SLC45A4: variants seen among roughly 807,000 people sequenced by gnomAD.
SLC45A4 encodes the protein solute carrier family 45 member 4.
In SLC45A4, 32 loss-of-function variants were observed where a neutral mutation model predicts 63.7. That is an observed-to-expected ratio of 0.50 (90% CI 0.38 to 0.67). The LOEUF (loss-of-function observed/expected upper bound fraction) is 0.67, where lower values mean the gene tolerates loss of function less well. Ranked by LOEUF, SLC45A4 falls within the 30% of genes least tolerant of loss-of-function variation. The pLI is 0.00. For missense variants in SLC45A4, 1,027 were observed against 1,157.7 expected (o/e 0.89, Z 1.64); for synonymous variants, 535 against 510.0 (o/e 1.05, Z -0.66).
chr8:141,305,149 G>A (rs1323974824), intron 1 of SLC45A4, among the ~76,000 whole-genome samples: 1 of 152,186 alleles, frequency 6.6e-6, no homozygotes, highest in African/African-American at 2.4e-5. Flanking sequence ...GCCACTAGAA[G>A]CACATTTTGA....
intron 1 of SLC45A4, among the ~76,000 whole-genome samples, chr8:141,271,635 T>C (rs577723247): frequency 1.3e-5 from 2 of 152,234 alleles, no homozygotes; most frequent in Admixed American, 1.3e-4. Flanking sequence ...GAAGCTCAGC[T>C]CTTCTCCACC....
chr8:141,294,271 T>C (rs1830461380), intron 1 of SLC45A4, among the ~76,000 whole-genome samples: 1 of 152,158 alleles, frequency 6.6e-6, no homozygotes, highest in South Asian at 2.1e-4. Flanking sequence ...TCAGGGTGGC[T>C]GGACAGAAGC....
intron 2 of SLC45A4, among the ~76,000 whole-genome samples, chr8:141,241,170 A>G (rs1430789085): frequency 6.6e-6 from 1 of 152,276 alleles, no homozygotes; most frequent in Non-Finnish European, 1.5e-5. Context: ...AATGTAGTGC[A>G]TAACACACAC....
At chr8:141,270,318 G>C (rs1829465542) in intron 1 of SLC45A4, among the ~76,000 whole-genome samples, 1 of 151,266 alleles carries the variant, frequency 6.6e-6, no homozygotes, top group Non-Finnish European at 1.5e-5. Context: ...CTTGGGGCCA[G>C]GAGTTCAAGA....
At chr8:141,276,099 A>C (rs1829718661) in intron 1 of SLC45A4, among the ~76,000 whole-genome samples, 1 of 152,000 alleles carries the variant, frequency 6.6e-6, no homozygotes, top group South Asian at 2.1e-4. Context: ...ATGGGATCTC[A>C]CTATGCTGCA....
chr8:141,295,539 G>C (rs1019962), intron 1 of SLC45A4, among the ~76,000 whole-genome samples: 145,457 of 152,292 alleles, frequency 0.96, 69,844 homozygotes, highest in Middle Eastern at 1. Flanking sequence ...CTTCTGCAAT[G>C]ACGTGAAGGC....
intron 1 of SLC45A4, among the ~76,000 whole-genome samples, chr8:141,267,171 TC>T (rs1190350362): frequency 6.6e-6 from 1 of 152,268 alleles, no homozygotes; most frequent in Non-Finnish European, 1.5e-5. Flanking sequence ...CCGTGACACT[TC>T]CACTGCCTTC....
At chr8:141,230,623 C>T (rs1414275090) in intron 2 of SLC45A4, among the ~76,000 whole-genome samples, 2 of 152,232 alleles carry the variant, frequency 1.3e-5, no homozygotes, top group Non-Finnish European at 2.9e-5. Context: ...GCTGCCTCTG[C>T]CGCCCGGCCT....
intron 2 of SLC45A4, among the ~76,000 whole-genome samples, chr8:141,247,717 CA>C (rs958639497): frequency 5.9e-5 from 9 of 152,314 alleles, no homozygotes; most frequent in African/African-American, 1.7e-4. Context: ...TGGCCCAAAA[CA>C]AGTTCCAAAA....
chr8:141,290,207 T>A (rs985408640), intron 1 of SLC45A4, among the ~76,000 whole-genome samples: 4 of 152,148 alleles, frequency 2.6e-5, no homozygotes, highest in East Asian at 3.9e-4. Context: ...GGAATCTATT[T>A]TTTTTAAGTG....
In SLC45A4 at chr8:141,227,254, G is replaced by A. The variant is rs1827063160; in HGVS notation, c.242-5489C>T. ...AGGTCACGGGCGACGCTCGGGTCAC[G>A]TGTGGCGGCTCCTGTTCACAGTGCC... On this transcript the variant is annotated intron_variant, in intron 2 of 8. Transcript: ENST00000517878. The surrounding 1 kb of genome is among the most constrained non-coding windows in gnomAD (Gnocchi z 4.4). Among the ~76,000 whole-genome samples, 1 of 152,160 alleles carries A rather than the reference G, an allele frequency of 6.6e-6. No homozygotes were observed. The highest frequency in any genetic ancestry group is 1.5e-5 in the Non-Finnish European group (1 of 68,024).
At chr8:141,267,115 T>C (rs1365970949) in intron 1 of SLC45A4, among the ~76,000 whole-genome samples, 1 of 152,252 alleles carries the variant, frequency 6.6e-6, no homozygotes, top group African/African-American at 2.4e-5. Flanking sequence ...GCCAAATCTG[T>C]GTGCGCATAT....
chr8:141,214,837 C>T (rs935808724), intron 7 of SLC45A4, among the ~76,000 whole-genome samples: 2 of 152,156 alleles, frequency 1.3e-5, no homozygotes, highest in African/African-American at 4.8e-5. Context: ...TGGGTCATGA[C>T]CTAGGCAGAC....
At position 141,218,087 on chromosome 8, in the gene SLC45A4, G is replaced by A; in HGVS notation, c.1553C>T (p.Thr518Ile). Reference sequence around the variant, plus strand: ...GGCCTCGGCGATGACAGAGAACCAGGTGAGGAGGTGGCAGAGGCACAGCCG... The same window carrying A: ...GGCCTCGGCGATGACAGAGAACCAGATGAGGAGGTGGCAGAGGCACAGCCG... The part of the protein sequence containing the change: ...LMRLCLCHLL[T>I]WFSVIAEAVF... Residue 518 changes from threonine to isoleucine, a missense_variant, in exon 5 of 9, where the codon ACC becomes ATC. Thr to Ile is a moderately conservative substitution (Grantham distance 89). Transcript: ENST00000517878. 6.2e-7 allele frequency: 1 copy of A among 1,612,912 alleles called. No individual in the cohort carries two copies. Among genetic ancestry groups the A allele is most frequent in the South Asian group, 1.1e-5 (1 of 91,088 alleles).
intron 1 of SLC45A4, among the ~76,000 whole-genome samples, chr8:141,276,807 T>C (rs1339666720): frequency 1.3e-5 from 2 of 152,228 alleles, no homozygotes; most frequent in African/African-American, 4.8e-5. Flanking sequence ...ACTTCTTGTC[T>C]GGGTAGTTTA....
At chr8:141,273,856 G>A (rs1829629061) in intron 1 of SLC45A4, among the ~76,000 whole-genome samples, 1 of 152,190 alleles carries the variant, frequency 6.6e-6, no homozygotes, top group African/African-American at 2.4e-5. Flanking sequence ...TGTGCACTCA[G>A]GACACACGAT....
intron 1 of SLC45A4, among the ~76,000 whole-genome samples, chr8:141,285,767 C>T (rs993868368): frequency 6.6e-6 from 1 of 152,234 alleles, no homozygotes; most frequent in Non-Finnish European, 1.5e-5. Flanking sequence ...CCCGTGCCCC[C>T]TTCTGACCGG....
intron 2 of SLC45A4, among the ~76,000 whole-genome samples, chr8:141,253,635 G>A (rs1030232262): frequency 2.6e-5 from 4 of 152,328 alleles, no homozygotes; most frequent in Non-Finnish European, 5.9e-5. Context: ...GTCAGTGCTG[G>A]CGACCCTGCC....
intron 1 of SLC45A4, among the ~76,000 whole-genome samples, chr8:141,273,312 G>A (rs1018568378): frequency 5.3e-5 from 8 of 152,202 alleles, no homozygotes; most frequent in Non-Finnish European, 1.2e-4. Context: ...GTGTGTGCCA[G>A]GGTCCGAAGG....
Sources: allele counts gnomAD v4.1 joint callset (sites outside exome capture counted in the v4.1 genomes callset), GRCh38; gene constraint gnomAD v4.1.1; non-coding constraint Gnocchi (gnomAD v3.1); transcripts MANE v1.5; gene names NCBI Gene and HGNC (gene_info 2026-07-23, HGNC 2026-07-21).